ATL1: variants seen among roughly 807,000 people sequenced by gnomAD.
The protein encoded by ATL1 is atlastin-1.
A neutral mutation model predicts 75.5 loss-of-function variants in ATL1; 31 were observed. That is an observed-to-expected ratio of 0.41 (90% CI 0.31 to 0.55). The LOEUF (loss-of-function observed/expected upper bound fraction) is 0.55, where lower values mean the gene tolerates loss of function less well. ATL1 is among the 20% of genes least tolerant of loss of function. ATL1 has a pLI of 0.27. For synonymous variants in ATL1, 226 were observed against 233.3 expected (o/e 0.97, Z 0.28); for missense variants, 405 against 662.6 (o/e 0.61, Z 4.27).
intron 1 of ATL1, among the ~76,000 whole-genome samples, chr14:50,573,976 G>A (rs2038978294): frequency 6.6e-6 from 1 of 152,074 alleles, no homozygotes; most frequent in Non-Finnish European, 1.5e-5. Flanking sequence ...TCTTTTGCTG[G>A]TTTAGTTTCT....
intron 5 of ATL1, 88 bp from the exon 6 acceptor site, chr14:50,595,488 C>A: frequency 1.6e-6 from 2 of 1,222,662 alleles, no homozygotes; most frequent in Non-Finnish European, 1.2e-6. Flanking sequence ...TGAAAGAAAG[C>A]CAAGAATTAA....
intron 1 of ATL1, among the ~76,000 whole-genome samples, chr14:50,546,032 T>G (rs2038627057): frequency 6.6e-6 from 1 of 152,218 alleles, no homozygotes; most frequent in African/African-American, 2.4e-5. Context: ...ACTCACTGTT[T>G]ATGGTACTGC....
At chr14:50,598,696 G>C (rs1333149954) in intron 6 of ATL1, among the ~76,000 whole-genome samples, 1 of 152,134 alleles carries the variant, frequency 6.6e-6, no homozygotes, top group Non-Finnish European at 1.5e-5. Flanking sequence ...ATCTGAATTA[G>C]AGGGCTCAAT....
At chr14:50,614,885 A>G (rs970567150) in intron 8 of ATL1, among the ~76,000 whole-genome samples, 1 of 152,220 alleles carries the variant, frequency 6.6e-6, no homozygotes, top group African/African-American at 2.4e-5. Context: ...TAAGTTATGT[A>G]ATTAGAGATT....
At chr14:50,563,694 G>T (rs2038873637) in intron 1 of ATL1, among the ~76,000 whole-genome samples, 1 of 152,208 alleles carries the variant, frequency 6.6e-6, no homozygotes. Flanking sequence ...CTACACAGCA[G>T]AAAAGCATCT....
intron 1 of ATL1, among the ~76,000 whole-genome samples, chr14:50,572,296 G>T (rs965999731): frequency 2.0e-5 from 3 of 152,150 alleles, no homozygotes; most frequent in Non-Finnish European, 2.9e-5. Flanking sequence ...ATTCATGTAA[G>T]ATTAGGATGA....
chr14:50,565,731 A>C (rs1287428656), intron 1 of ATL1, among the ~76,000 whole-genome samples: 1 of 152,210 alleles, frequency 6.6e-6, no homozygotes, highest in Admixed American at 6.5e-5. Flanking sequence ...CAGTGGCTAC[A>C]CTGTAGGCAG....
At chr14:50,552,428 A>G (rs182574443) in intron 1 of ATL1, among the ~76,000 whole-genome samples, 1 of 152,360 alleles carries the variant, frequency 6.6e-6, no homozygotes, top group East Asian at 1.9e-4. Flanking sequence ...TATTGTGAAC[A>G]TGACCATACT....
At chr14:50,547,161 G>A (rs937673516) in intron 1 of ATL1, among the ~76,000 whole-genome samples, 1 of 152,156 alleles carries the variant, frequency 6.6e-6, no homozygotes, top group Non-Finnish European at 1.5e-5. Flanking sequence ...ATAGTGATTA[G>A]ATTTGTCTAA....
At chr14:50,604,803 G>T (rs1216611685) in intron 6 of ATL1, among the ~76,000 whole-genome samples, 1 of 151,986 alleles carries the variant, frequency 6.6e-6, no homozygotes, top group Non-Finnish European at 1.5e-5. Context: ...AATACAAAAA[G>T]AAAATACCAT....
intron 1 of ATL1, among the ~76,000 whole-genome samples, chr14:50,552,323 G>A (rs928568141): frequency 1.3e-5 from 2 of 152,052 alleles, no homozygotes; most frequent in African/African-American, 4.8e-5. Context: ...GGAGGTGAGA[G>A]TTCTCTACAA....
Position 50,581,640 on chromosome 14 carries a change from GT to G in ATL1, c.35-6189del, listed in dbSNP as rs1238169614. Among the ~76,000 whole-genome samples, 4 of 152,030 alleles carry G rather than the reference GT, an allele frequency of 2.6e-5. No homozygotes were observed. The South Asian group carries it at 8.3e-4, about 32-fold the overall frequency. On this transcript the variant is annotated intron_variant, in intron 1 of 13. Transcript: ENST00000358385. The stretch of plus-strand genomic sequence containing the variant: ...TTAGAGATTTTCTTAATATCTTCTT[GT>G]TACTGATTTCTGGTTTAATTCCTTT...
chr14:50,556,774 T>C (rs2038770297), upstream of ATL1, among the ~76,000 whole-genome samples: 1 of 152,214 alleles, frequency 6.6e-6, no homozygotes, highest in South Asian at 2.1e-4. Flanking sequence ...GCTACTTTCA[T>C]TTACTATAAT....
chr14:50,596,007 T>G (rs1222109140), intron 6 of ATL1, among the ~76,000 whole-genome samples: 1 of 152,124 alleles, frequency 6.6e-6, no homozygotes, highest in Non-Finnish European at 1.5e-5. Context: ...TGAGATGTAT[T>G]AAACATAAGA....
At chr14:50,596,764 A>T (rs2039221464) in intron 6 of ATL1, among the ~76,000 whole-genome samples, 1 of 152,238 alleles carries the variant, frequency 6.6e-6, no homozygotes, top group Non-Finnish European at 1.5e-5. Context: ...AGTTATATGA[A>T]AATACTGCAA....
chr14:50,574,891 C>T (rs2038986171), intron 1 of ATL1, among the ~76,000 whole-genome samples: 2 of 103,266 alleles, frequency 1.9e-5, no homozygotes, highest in African/African-American at 3.8e-5. Flanking sequence ...AAATGTTTTT[C>T]ATTGTTTTCA....
chr14:50,595,522 C>G, intron 5 of ATL1, 54 bp from the exon 6 acceptor site: 47 of 410,884 alleles, frequency 1.1e-4, no homozygotes, highest in Middle Eastern at 6.0e-4. Flanking sequence ...CTAAAGTTCT[C>G]TCTCTCTCTC....
chr14:50,557,223 G>C (rs1217767745), upstream of ATL1, among the ~76,000 whole-genome samples: 2 of 152,156 alleles, frequency 1.3e-5, no homozygotes, highest in Non-Finnish European at 2.9e-5. Flanking sequence ...AAACATTACT[G>C]TTCTAAGACT....
chr14:50,542,764 G>A (rs2140148099), intron 1 of ATL1, among the ~76,000 whole-genome samples: 1 of 152,300 alleles, frequency 6.6e-6, no homozygotes, highest in East Asian at 1.9e-4. Flanking sequence ...ACTTGAAGCA[G>A]AGAGCCACAG....
Sources: gnomAD v4.1 joint callset for allele counts (sites outside exome capture counted in the v4.1 genomes callset) on GRCh38, gnomAD v4.1.1 for gene constraint, MANE v1.5 for transcripts, NCBI Gene and HGNC (gene_info 2026-07-23, HGNC 2026-07-21) for gene names.